Variants in ARSB observed in about 807,000 individuals in gnomAD.
The protein encoded by ARSB is N-acetylgalactosamine-4-sulfatase.
Under a neutral mutation model 50.9 loss-of-function variants are expected in ARSB, and 41 were observed. The observed-to-expected ratio is 0.81, with a 90% CI of 0.63 to 1.04. The LOEUF (loss-of-function observed/expected upper bound fraction) is 1.04, where lower values mean the gene tolerates loss of function less well. Ranked by LOEUF, ARSB falls within the 50% of genes least tolerant of loss-of-function variation. The pLI, the probability that ARSB is intolerant of heterozygous loss-of-function variation, is 0.00. For synonymous variants in ARSB, 269 were observed against 284.8 expected, an observed-to-expected ratio of 0.94 and a Z score of 0.56; for missense variants, 672 against 693.3, an observed-to-expected ratio of 0.97 and a Z score of 0.35.
intron 1 of ARSB, among the ~76,000 whole-genome samples, chr5:78,979,178 T>C (rs1445660085): frequency 6.6e-6 from 1 of 152,140 alleles, no homozygotes; most frequent in Non-Finnish European, 1.5e-5. Context: ...GCAAAGGATC[T>C]GAGTAAACAT....
At chr5:78,780,772 T>C in intron 7 of ARSB, 110 bp from the exon 8 acceptor site, 1 of 1,331,292 alleles carries the variant, frequency 7.5e-7, no homozygotes, top group Non-Finnish European at 1.1e-6. Flanking sequence ...TGTGGAAACA[T>C]AAAAAGATGC....
intron 5 of ARSB, among the ~76,000 whole-genome samples, chr5:78,870,965 A>T (rs944256399): frequency 5.9e-5 from 9 of 152,108 alleles, no homozygotes; most frequent in Non-Finnish European, 1.0e-4. Flanking sequence ...ACTTCAGCAA[A>T]GTCTCAGGAT....
rs2112532036 is a variant in ARSB, at chr5:78,969,559, G to C, written c.313-367C>G. 1.3e-5 allele frequency among the ~76,000 whole-genome samples: 2 copies of C among 152,294 alleles called. 1 individual carries two copies. Among genetic ancestry groups the C allele is most frequent in the South Asian group, 4.1e-4 (2 of 4,826 alleles). On this transcript the variant is annotated intron_variant, in intron 1 of 7. Coordinates refer to ENST00000264914, the MANE Select transcript of ARSB (RefSeq NM_000046.5). Reference sequence around the variant, plus strand: ...TTGGGCACACAAGAAGTTGGTGTTTGATTAGAAGACACTTCTGTAATCTTC... The same window carrying C: ...TTGGGCACACAAGAAGTTGGTGTTTCATTAGAAGACACTTCTGTAATCTTC...
chr5:78,871,863 A>G (rs1169478132), intron 5 of ARSB, among the ~76,000 whole-genome samples: 5 of 138,420 alleles, frequency 3.6e-5, no homozygotes, highest in African/African-American at 1.2e-4. Context: ...GGAAACTACC[A>G]TCAGAGTGAA....
At chr5:78,915,520 T>A (rs575348327) in intron 4 of ARSB, among the ~76,000 whole-genome samples, 1 of 152,248 alleles carries the variant, frequency 6.6e-6, no homozygotes, top group African/African-American at 2.4e-5. Context: ...TTCTACTAAA[T>A]ATGGATACTA....
At chr5:78,849,243 T>C (rs939151584) in intron 5 of ARSB, among the ~76,000 whole-genome samples, 3 of 152,106 alleles carry the variant, frequency 2.0e-5, no homozygotes, top group Admixed American at 1.3e-4. Flanking sequence ...AATTTTTGTA[T>C]AAGGTGTAAG....
chr5:78,949,215 G>C (rs188274183), intron 4 of ARSB, among the ~76,000 whole-genome samples: 3 of 152,294 alleles, frequency 2.0e-5, no homozygotes, highest in Non-Finnish European at 2.9e-5. Flanking sequence ...ATTTTTAAAA[G>C]TTAGCTTTAT....
intron 4 of ARSB, among the ~76,000 whole-genome samples, chr5:78,897,123 C>T (rs961377115): frequency 1.3e-5 from 2 of 151,908 alleles, no homozygotes; most frequent in African/African-American, 2.4e-5. Flanking sequence ...ATTAAAACCA[C>T]GCAAAAAATA....
intron 6 of ARSB, among the ~76,000 whole-genome samples, chr5:78,818,689 C>G (rs1453495250): frequency 7.0e-6 from 1 of 143,096 alleles, no homozygotes; most frequent in Non-Finnish European, 1.5e-5. Flanking sequence ...TCAATCTCGG[C>G]TCACTGCAAG....
At chr5:78,913,812 G>C (rs1343999956) in intron 4 of ARSB, among the ~76,000 whole-genome samples, 2 of 152,024 alleles carry the variant, frequency 1.3e-5, no homozygotes, top group Non-Finnish European at 2.9e-5. Flanking sequence ...CCTCAATAAT[G>C]ATTTCTTAAG....
intron 1 of ARSB, among the ~76,000 whole-genome samples, chr5:78,978,807 C>T (rs1425034177): frequency 6.6e-6 from 1 of 152,158 alleles, no homozygotes; most frequent in Non-Finnish European, 1.5e-5. Context: ...ATCCACATAC[C>T]TCAAATTGTA....
intron 1 of ARSB, among the ~76,000 whole-genome samples, chr5:78,978,975 A>G (rs955567068): frequency 7.2e-5 from 11 of 152,248 alleles, no homozygotes; most frequent in Non-Finnish European, 1.6e-4. Context: ...AAAATAGGTA[A>G]GTTGTACATA....
Position 78,778,052 on chromosome 5 carries a change from C to A in ARSB, c.*2345G>T, listed in dbSNP as rs1748820550. 1 of 152,154 alleles carries A rather than the reference C, an allele frequency of 6.6e-6. No homozygotes were observed. The highest frequency in any genetic ancestry group is 1.5e-5 in the Non-Finnish European group (1 of 68,026). The allele number at this position is 152,154 out of a possible 1,614,324, so 9.4% of individuals were successfully genotyped here. ...AGTCCACTGGGTGCAGAACATCCCC[C>A]ACTGTGCCTGAAAACCAAGGAACTA... On this transcript the variant is annotated 3_prime_UTR_variant, in exon 8 of 8. Transcript: ENST00000264914.
At chr5:78,863,622 G>T in intron 5 of ARSB, among the ~76,000 whole-genome samples, 1 of 142,094 alleles carries the variant, frequency 7.0e-6, no homozygotes, top group African/African-American at 2.6e-5. Context: ...TGGGGGGTGG[G>T]GGTAGGGATG....
intron 3 of ARSB, among the ~76,000 whole-genome samples, chr5:78,962,013 C>A (rs1445677260): frequency 6.6e-6 from 1 of 152,122 alleles, no homozygotes; most frequent in Non-Finnish European, 1.5e-5. Context: ...TAAGGTGAAT[C>A]ATGAGCTGGG....
At chr5:78,976,688 A>G (rs1752685499) in intron 1 of ARSB, among the ~76,000 whole-genome samples, 1 of 152,248 alleles carries the variant, frequency 6.6e-6, no homozygotes, top group East Asian at 1.9e-4. Context: ...AGAATGCCAC[A>G]TGGCACTTGA....
chr5:78,841,132 GTACTACTACTAC>G (rs71613989), intron 5 of ARSB, among the ~76,000 whole-genome samples: 3 of 134,692 alleles, frequency 2.2e-5, no homozygotes, highest in South Asian at 2.6e-4. Context: ...GACCTGGTCT[GTACTACTACTAC>G]TACTACTACT....
At chr5:78,915,249 C>G (rs958011012) in intron 4 of ARSB, among the ~76,000 whole-genome samples, 1 of 151,608 alleles carries the variant, frequency 6.6e-6, no homozygotes, top group African/African-American at 2.4e-5. Flanking sequence ...GCTGCCACCT[C>G]TAATCAATTA....
At chr5:78,910,689 C>T (rs548536077) in intron 4 of ARSB, among the ~76,000 whole-genome samples, 39 of 152,224 alleles carry the variant, frequency 2.6e-4, no homozygotes, top group Non-Finnish European at 3.7e-4. Context: ...GTTCAGACAA[C>T]GATTACTTCA....
Sources: allele counts gnomAD v4.1 joint callset (sites outside exome capture counted in the v4.1 genomes callset), GRCh38; gene constraint gnomAD v4.1.1; transcripts MANE v1.5; gene names NCBI Gene and HGNC (gene_info 2026-07-23, HGNC 2026-07-21).